Variants in POMZP3 observed in about 807,000 individuals in gnomAD.
POMZP3 encodes POM121 and ZP3 fusion, also known as POM121 and ZP3 fusion protein.
Under a neutral mutation model 19.8 loss-of-function variants are expected in POMZP3, and 10 were observed. The ratio of observed to expected loss-of-function variants is 0.51; its 90% CI spans 0.31 to 0.86. The LOEUF (loss-of-function observed/expected upper bound fraction) is 0.86, where lower values mean the gene tolerates loss of function less well. Among genes scored for constraint, POMZP3 ranks in the 40% least tolerant of loss-of-function variants. POMZP3 has a pLI of 0.04. For synonymous variants in POMZP3, 57 were observed against 85.8 expected (o/e 0.66, Z 1.85); for missense variants, 152 against 228.1 (o/e 0.67, Z 2.15).
chr7:76,623,830 A>C (rs1001212920), intron 3 of POMZP3, among the ~76,000 whole-genome samples: 8 of 151,940 alleles, frequency 5.3e-5, no homozygotes, highest in Admixed American at 3.3e-4. Flanking sequence ...GAGAGAGAGA[A>C]AGAAAAGCAA....
intron 3 of POMZP3, among the ~76,000 whole-genome samples, chr7:76,622,267 T>TG (rs1234782492): frequency 1.3e-5 from 2 of 151,920 alleles, no homozygotes; most frequent in African/African-American, 4.8e-5. Flanking sequence ...TTAATAAACT[T>TG]GCGTTCACTT....
At chr7:76,620,991 C>A (rs1279650074) in intron 3 of POMZP3, 2,893 of 148,614 alleles carry the variant, frequency 0.019, 37 homozygotes, top group African/African-American at 0.031. Context: ...GCCTCAGCCT[C>A]CTGAGTAGCT....
intron 3 of POMZP3, chr7:76,621,309 C>T (rs1289435881): frequency 6.7e-6 from 1 of 149,136 alleles, no homozygotes; most frequent in Non-Finnish European, 1.5e-5. Flanking sequence ...ATGTTCTAGC[C>T]CTTAGCATTG....
intron 3 of POMZP3, among the ~76,000 whole-genome samples, chr7:76,624,319 C>T (rs7777408): frequency 0.054 from 8,104 of 150,788 alleles, 554 homozygotes; most frequent in African/African-American, 0.18. Context: ...GAGGCTGAGG[C>T]GAGCTGATCA....
chr7:76,625,132 CAAAAAAAAAA>C (rs59816962), intron 3 of POMZP3, among the ~76,000 whole-genome samples: 6 of 54,388 alleles, frequency 1.1e-4, no homozygotes, highest in Admixed American at 2.3e-4. Context: ...GACTCCAACT[CAAAAAAAAAA>C]AAAAAAAAAA....
intron 3 of POMZP3, among the ~76,000 whole-genome samples, chr7:76,619,317 G>A (rs1444671025): frequency 6.6e-6 from 1 of 152,148 alleles, no homozygotes; most frequent in Non-Finnish European, 1.5e-5. Context: ...CAATCCAGGG[G>A]GCAGAGGTTG....
At chr7:76,626,272 T>C in intron 1 of POMZP3, 57 bp from the exon 2 acceptor site, 1 of 1,459,600 alleles carries the variant, frequency 6.9e-7, no homozygotes, top group Non-Finnish European at 9.3e-7. Context: ...GTCAAAATTT[T>C]AGACGGTTAA....
rs758393686 is a variant in POMZP3 at position 76,611,469 on chromosome 7, AG to A, written c.559del (p.Leu187CysfsTer77). On this transcript the variant is annotated frameshift_variant, in exon 6 of 7. Transcript: ENST00000310842. LOFTEE classifies it high-confidence loss of function. ...VVSQWSTSAS[L>X] ...TATGACATACCATGCCTGCGGTTACAGGGAAGCAGACGTGGACCACTGGCTC... is the reference window on the plus strand; with the variant it reads ...TATGACATACCATGCCTGCGGTTACAGGAAGCAGACGTGGACCACTGGCTC... 4.2e-5 allele frequency: 15 copies of A among 353,914 alleles called. No individual in the cohort carries two copies. Among genetic ancestry groups the A allele is most frequent in the East Asian group, 1.3e-4 (2 of 15,476 alleles). 21.9% of individuals were successfully genotyped at this position (353,914 alleles called of 1,614,324 possible).
At chr7:76,626,680 A>G in intron 1 of POMZP3, 28 bp downstream of exon 1, 2 of 1,380,810 alleles carry the variant, frequency 1.4e-6, no homozygotes, top group Non-Finnish European at 1.9e-6. Flanking sequence ...GAGCCAAAGG[A>G]TGATCTGGGA....
At chr7:76,623,158 C>G (rs1167453831) in intron 3 of POMZP3, among the ~76,000 whole-genome samples, 1 of 151,326 alleles carries the variant, frequency 6.6e-6, no homozygotes, top group Non-Finnish European at 1.5e-5. Context: ...AGGTGTGAGC[C>G]ACCGCACCCA....
chr7:76,618,549 A>T (rs1485223268), intron 3 of POMZP3: 2 of 519,852 alleles, frequency 3.8e-6, no homozygotes, highest in East Asian at 8.0e-5. Flanking sequence ...TGAATCTGGG[A>T]GGCAGAGGGT....
chr7:76,621,845 C>G (rs947591281), intron 3 of POMZP3, among the ~76,000 whole-genome samples: 7 of 147,874 alleles, frequency 4.7e-5, no homozygotes, highest in African/African-American at 1.8e-4. Flanking sequence ...GAGGCTGAGG[C>G]AGGAGAATGG....
Position 76,625,432 on chromosome 7 carries a change from G to T in POMZP3, c.227+90C>A. Reference sequence around the variant, plus strand: ...GCCTATGAAGGCTCACAAACTGGAGGTGGCCTCTGTATCTTTACGGGAATG... The same window carrying T: ...GCCTATGAAGGCTCACAAACTGGAGTTGGCCTCTGTATCTTTACGGGAATG... On this transcript the variant is annotated intron_variant, in intron 3 of 6. Transcript: ENST00000310842. 21 of 1,590,266 alleles carry T rather than the reference G, an allele frequency of 1.3e-5. 1 individual carries two copies. Among genetic ancestry groups the T allele is most frequent in the South Asian group, 2.2e-5 (2 of 89,180 alleles).
chr7:76,612,022 A>T (rs3789828), intron 4 of POMZP3, among the ~76,000 whole-genome samples: 26,684 of 148,560 alleles, frequency 0.18, 2,668 homozygotes, highest in South Asian at 0.27. Context: ...AACATGGTGA[A>T]ACCCCATCGC....
Position 76,611,557 on chromosome 7 carries a change from GA to G in POMZP3, c.471del (p.Gln158AsnfsTer21), listed in dbSNP as rs777505680. On this transcript the variant is annotated frameshift_variant, in exon 6 of 7. Transcript: ENST00000310842. LOFTEE classifies it high-confidence loss of function. Reference protein sequence around the residue: ...WFPVEGLADICQCCNKGDCGT... With the variant: ...WFPVEGLADIXQCCNKGDCGT... ...CCACAGTCACCTTTGTTACAGCATTGACAGATGTCAGCCAGGCCTTCCACTG... is the reference window on the plus strand; with the variant it reads ...CCACAGTCACCTTTGTTACAGCATTGCAGATGTCAGCCAGGCCTTCCACTG... 4 of 1,604,056 alleles carry G rather than the reference GA, an allele frequency of 2.5e-6. No individual in the cohort carries two copies. The highest frequency in any genetic ancestry group is 3.4e-6 in the Non-Finnish European group (4 of 1,172,004).
intron 6 of POMZP3, among the ~76,000 whole-genome samples, 182 bp downstream of exon 6, chr7:76,611,272 G>A (rs1815083604): frequency 6.6e-6 from 1 of 151,886 alleles, no homozygotes; most frequent in South Asian, 2.1e-4. Context: ...CCACCGAGGT[G>A]GAAGGCTGAG....
intron 6 of POMZP3, among the ~76,000 whole-genome samples, chr7:76,611,065 G>A (rs1330207242): frequency 7.0e-6 from 1 of 142,546 alleles, no homozygotes; most frequent in East Asian, 2.0e-4. Context: ...GTAGAGATGG[G>A]GTTTCTCCAT....
At position 76,625,998 on chromosome 7, in the gene POMZP3, A is replaced by C. The variant is rs774422800; in HGVS notation, c.65+2T>G. 2 of 1,613,830 alleles carry C rather than the reference A, an allele frequency of 1.2e-6. No homozygotes were observed. Among genetic ancestry groups the C allele is most frequent in the South Asian group, 2.2e-5 (2 of 91,060 alleles). On this transcript the variant is annotated splice_donor_variant, in intron 2 of 6. Coordinates refer to ENST00000310842, the MANE Select transcript of POMZP3 (RefSeq NM_012230.5). LOFTEE classifies it high-confidence loss of function. ...GAGTATTCTTCCAACGATAATACTCACATCGCAGAACGCGAAAATCTTCTG... is the reference window on the plus strand; with the variant it reads ...GAGTATTCTTCCAACGATAATACTCCCATCGCAGAACGCGAAAATCTTCTG...
intron 3 of POMZP3, among the ~76,000 whole-genome samples, chr7:76,621,865 G>A (rs201770642): frequency 3.5e-5 from 5 of 143,312 alleles, no homozygotes; most frequent in East Asian, 4.1e-4. Flanking sequence ...GCGTGAACCC[G>A]GGAGGCGGAG....
Sources: gnomAD v4.1 joint callset for allele counts (sites outside exome capture counted in the v4.1 genomes callset) on GRCh38, gnomAD v4.1.1 for gene constraint, MANE v1.5 for transcripts, NCBI Gene and HGNC (gene_info 2026-07-23, HGNC 2026-07-21) for gene names.